SPAG17: variants seen among roughly 807,000 people sequenced by gnomAD.
SPAG17 encodes the protein sperm-associated antigen 17.
In SPAG17, 169 loss-of-function variants were observed where a neutral mutation model predicts 273.6. The observed-to-expected ratio is 0.62, with a 90% CI of 0.55 to 0.70. SPAG17 has a LOEUF of 0.70. Ranked by LOEUF, SPAG17 falls within the 30% of genes least tolerant of loss-of-function variation. The pLI is 0.00. For synonymous variants in SPAG17, 825 were observed against 873.2 expected, an observed-to-expected ratio of 0.94 and a Z score of 0.97; for missense variants, 2,557 against 2,627.8, an observed-to-expected ratio of 0.97 and a Z score of 0.59.
intron 13 of SPAG17, among the ~76,000 whole-genome samples, chr1:118,084,590 T>A (rs1472461114): frequency 2.0e-5 from 3 of 152,200 alleles, no homozygotes; most frequent in Non-Finnish European, 2.9e-5. Flanking sequence ...GAGCATAAAA[T>A]GGCTCTTCCT....
chr1:118,012,447 A>G, intron 29 of SPAG17, 75 bp from the exon 30 acceptor site: 1 of 1,495,098 alleles, frequency 6.7e-7, no homozygotes, highest in Non-Finnish European at 9.0e-7. Flanking sequence ...TATCCATTGA[A>G]TACGAAGATG....
intron 1 of SPAG17, 35 bp downstream of exon 1, chr1:118,185,036 G>T: frequency 6.3e-7 from 1 of 1,581,012 alleles, no homozygotes; most frequent in Non-Finnish European, 8.7e-7. Flanking sequence ...TGGCATTGCC[G>T]GGGGCAGGGA....
In SPAG17 at chr1:118,097,730, T is replaced by C. The variant is rs1330181193; in HGVS notation, c.951A>G (p.Arg317=). 6.2e-7 allele frequency: 1 copy of C among 1,610,990 alleles called. No individual in the cohort carries two copies. The highest frequency in any genetic ancestry group is 1.1e-5 in the South Asian group (1 of 90,350). Residue 317 remains arginine (R), a synonymous_variant, in exon 7 of 49, where the codon CGA becomes CGG. Transcript: ENST00000336338. ...CAGCTGCTTTGACCATGTACTCAAG[T>C]CGAGCAACATCAAAGAGATTTGTTT... ...KPETNLFDVA[R]LEYMVKAADF...
chr1:118,129,106 A>G (rs1246409858), intron 3 of SPAG17, among the ~76,000 whole-genome samples: 1 of 152,194 alleles, frequency 6.6e-6, no homozygotes, highest in Non-Finnish European at 1.5e-5. Context: ...TCCTACACAG[A>G]TGAAGGAAGG....
intron 25 of SPAG17, among the ~76,000 whole-genome samples, chr1:118,029,860 A>T (rs1436266953): frequency 6.6e-6 from 1 of 152,178 alleles, no homozygotes; most frequent in African/African-American, 2.4e-5. Flanking sequence ...CTTTGTCACT[A>T]ACAGAGGAAA....
chr1:117,995,784 A>T (rs561315704), intron 34 of SPAG17, among the ~76,000 whole-genome samples: 12 of 151,436 alleles, frequency 7.9e-5, no homozygotes, highest in Non-Finnish European at 1.6e-4. Flanking sequence ...TATGTAGGCT[A>T]ATATCTATAT....
chr1:118,158,884 C>T (rs1370562721), intron 1 of SPAG17, among the ~76,000 whole-genome samples: 3 of 152,212 alleles, frequency 2.0e-5, no homozygotes, highest in Admixed American at 2.0e-4. Flanking sequence ...CTGCTAATGG[C>T]GGTATTTAAG....
intron 1 of SPAG17, among the ~76,000 whole-genome samples, chr1:118,151,641 A>C (rs1034535061): frequency 1.3e-5 from 2 of 152,260 alleles, no homozygotes; most frequent in African/African-American, 4.8e-5. Flanking sequence ...CTTTCACTAG[A>C]ATGTTGTCCA....
At chr1:118,061,456 C>G (rs995837780) in intron 18 of SPAG17, among the ~76,000 whole-genome samples, 3 of 152,160 alleles carry the variant, frequency 2.0e-5, no homozygotes, top group African/African-American at 7.2e-5. Context: ...CAAATACCGG[C>G]TGATTCCACT....
At chr1:118,033,423 G>A (rs1648709591) in intron 24 of SPAG17, among the ~76,000 whole-genome samples, 1 of 152,106 alleles carries the variant, frequency 6.6e-6, no homozygotes, top group Non-Finnish European at 1.5e-5. Context: ...CATCCAACCA[G>A]CCATCAAGGC....
rs1655390556 is a variant in SPAG17 at position 118,091,798 on chromosome 1, AAC to A, written c.1247-82_1247-81del. The A allele has an allele frequency of 1.2e-5, 16 of 1,329,690 alleles. No homozygotes were observed. The South Asian group carries it at 1.9e-4, about 16-fold the overall frequency. 82.4% of individuals were successfully genotyped at this position (1,329,690 alleles called of 1,614,324 possible). A position where few individuals can be genotyped will look rare whatever the true frequency, so the allele number is the denominator to read the frequency against. ...CATCAAAATTTCATGCATAATTTCA[AAC>A]TATGACTATGCACTAATAAATGCAG... On this transcript the variant is annotated intron_variant, in intron 9 of 48. Coordinates refer to ENST00000336338, the MANE Select transcript of SPAG17 (RefSeq NM_206996.4).
chr1:117,970,161 C>A (rs746586237), intron 45 of SPAG17, 45 bp from the exon 46 acceptor site: 2 of 1,569,542 alleles, frequency 1.3e-6, no homozygotes, highest in African/African-American at 2.7e-5. Flanking sequence ...ATAATGAAAC[C>A]CATGAGCAAT....
chr1:118,099,913 G>T (rs1655954846), intron 5 of SPAG17, 113 bp from the exon 6 acceptor site: 3 of 870,664 alleles, frequency 3.4e-6, no homozygotes, highest in Non-Finnish European at 3.4e-6. Context: ...CCTCTGGCTT[G>T]CCAAAAATGA....
chr1:118,073,577 CA>C (rs760638695), intron 17 of SPAG17, among the ~76,000 whole-genome samples: 10 of 151,882 alleles, frequency 6.6e-5, no homozygotes, highest in East Asian at 1.9e-4. Context: ...CATGCAGCAG[CA>C]AAAAAATATA....
intron 1 of SPAG17, among the ~76,000 whole-genome samples, chr1:118,178,134 T>C (rs1660780632): frequency 6.6e-6 from 1 of 152,146 alleles, no homozygotes; most frequent in Admixed American, 6.5e-5. Context: ...TATAGGTCAG[T>C]ATCACTGATA....
chr1:118,082,881 G>T (rs888111933), intron 13 of SPAG17, among the ~76,000 whole-genome samples: 1 of 152,194 alleles, frequency 6.6e-6, no homozygotes, highest in Non-Finnish European at 1.5e-5. Flanking sequence ...TCCTGAGGCA[G>T]GGGTGTGACT....
chr1:118,148,388 T>C (rs1159921142), intron 3 of SPAG17, among the ~76,000 whole-genome samples: 2 of 152,162 alleles, frequency 1.3e-5, no homozygotes, highest in Non-Finnish European at 2.9e-5. Context: ...TCGGCAAGGG[T>C]ACACGAACCT....
intron 28 of SPAG17, among the ~76,000 whole-genome samples, chr1:118,020,329 G>C (rs1366868880): frequency 6.6e-6 from 1 of 152,094 alleles, no homozygotes; most frequent in African/African-American, 2.4e-5. Context: ...AGCCACTTGG[G>C]AGGCTGAGGC....
At position 118,081,441 on chromosome 1, in the gene SPAG17, T is replaced by A; in HGVS notation, c.1964A>T (p.Asn655Ile). 2.5e-6 allele frequency: 4 copies of A among 1,613,956 alleles called. No homozygotes were observed. The highest frequency in any genetic ancestry group is 3.4e-6 in the Non-Finnish European group (4 of 1,180,000). Reference protein sequence around the residue: ...QIRQQYVMKMNTQEAKQKADI... With the variant: ...QIRQQYVMKMITQEAKQKADI... Reference sequence around the variant, plus strand: ...TGCTTTCTGCTTGGCCTCTTGAGTATTCATTTTCATGACATATTGCTGCCT... The same window carrying A: ...TGCTTTCTGCTTGGCCTCTTGAGTAATCATTTTCATGACATATTGCTGCCT... The change falls in exon 14 of 49, where the codon AAT becomes ATT. Residue 655 changes from asparagine to isoleucine, a missense_variant. Physicochemically the swap from Asn to Ile is moderately radical, Grantham distance 149 (BLOSUM62 -3). Coordinates refer to ENST00000336338, the MANE Select transcript of SPAG17 (RefSeq NM_206996.4).
Sources: allele counts gnomAD v4.1 joint callset (sites outside exome capture counted in the v4.1 genomes callset), GRCh38; gene constraint gnomAD v4.1.1; transcripts MANE v1.5; gene names NCBI Gene and HGNC (gene_info 2026-07-23, HGNC 2026-07-21).